Variants in ZFPM2 observed in about 807,000 individuals in gnomAD.
ZFPM2 encodes the protein zinc finger protein, FOG family member 2, also known as zinc finger protein ZFPM2.
In ZFPM2, 20 loss-of-function variants were observed where a neutral mutation model predicts 98.6. That is an observed-to-expected ratio of 0.20 (90% confidence interval 0.14 to 0.29). ZFPM2 has a LOEUF of 0.29. Ranked by LOEUF, ZFPM2 falls within the 10% of genes least tolerant of loss-of-function variation. ZFPM2 has a pLI of 1.00. For synonymous variants in ZFPM2, 518 were observed against 502.7 expected, an observed-to-expected ratio of 1.03 and a Z score of -0.41; for missense variants, 1,310 against 1,388.6, an observed-to-expected ratio of 0.94 and a Z score of 0.90.
chr8:105,618,894 A>T (rs2130812302), intron 4 of ZFPM2, among the ~76,000 whole-genome samples: 1 of 152,236 alleles, frequency 6.6e-6, no homozygotes, highest in Non-Finnish European at 1.5e-5. Context: ...GCTAAAACTG[A>T]TATATACATA....
intron 4 of ZFPM2, among the ~76,000 whole-genome samples, chr8:105,625,730 C>G (rs994343949): frequency 2.0e-5 from 3 of 151,986 alleles, no homozygotes; most frequent in Non-Finnish European, 4.4e-5. Flanking sequence ...CAGGTGCCCA[C>G]CACCAAACCT....
chr8:105,674,562 C>T (rs1817653751), intron 5 of ZFPM2, among the ~76,000 whole-genome samples: 1 of 152,058 alleles, frequency 6.6e-6, no homozygotes, highest in African/African-American at 2.4e-5. Flanking sequence ...TTGTTCCGTA[C>T]CTTGGCATCA....
intron 4 of ZFPM2, among the ~76,000 whole-genome samples, chr8:105,592,480 T>G (rs1014655558): frequency 1.3e-5 from 2 of 152,134 alleles, no homozygotes; most frequent in Non-Finnish European, 2.9e-5. Flanking sequence ...TATCTCCCAG[T>G]GCAATTGAAA....
chr8:105,755,037 G>C (rs955341545), intron 5 of ZFPM2, among the ~76,000 whole-genome samples: 2 of 152,040 alleles, frequency 1.3e-5, no homozygotes, highest in East Asian at 1.9e-4. Context: ...GTAGCAGCAT[G>C]AAGTGCAGGG....
At chr8:105,484,799 C>T (rs1447273277) in intron 3 of ZFPM2, among the ~76,000 whole-genome samples, 1 of 152,026 alleles carries the variant, frequency 6.6e-6, no homozygotes, top group African/African-American at 2.4e-5. Context: ...TCTTAGGGGG[C>T]CTTCATCTAT....
intron 2 of ZFPM2, among the ~76,000 whole-genome samples, chr8:105,439,416 A>T (rs2130183516): frequency 6.6e-6 from 1 of 152,250 alleles, no homozygotes; most frequent in South Asian, 2.1e-4. Flanking sequence ...CTCAAATTTA[A>T]TTTATAATCT....
At position 105,393,330 on chromosome 8, in the gene ZFPM2, C is replaced by CTGTCTGTCTT. The variant is rs1245789213; in HGVS notation, c.41-25813_41-25812insGTCTGTCTTT. ...CTTCCTTTCTTCCTTCCCTCTCTCTCTCTTTGCCTTTCTTTCTTTCTTTCT... is the reference window on the plus strand; with the variant it reads ...CTTCCTTTCTTCCTTCCCTCTCTCTCTGTCTGTCTTTCTTTGCCTTTCTTTCTTTCTTTCT... On this transcript the variant is annotated intron_variant, in intron 1 of 7. Transcript: ENST00000407775. Among the ~76,000 whole-genome samples, 40 of 132,902 alleles carry CTGTCTGTCTT rather than the reference C, an allele frequency of 3.0e-4. 1 individual carries two copies. Among genetic ancestry groups the CTGTCTGTCTT allele is most frequent in the Middle Eastern group, 3.7e-3 (1 of 268 alleles). The allele number at this position is 132,902 out of a possible 152,430, so 87.2% of individuals were successfully genotyped here. A position where few individuals can be genotyped will look rare whatever the true frequency, so the allele number is the denominator to read the frequency against.
chr8:105,551,457 C>G (rs1298382569), intron 3 of ZFPM2, among the ~76,000 whole-genome samples: 1 of 152,080 alleles, frequency 6.6e-6, no homozygotes, highest in Non-Finnish European at 1.5e-5. Context: ...ACACATGGTA[C>G]TTGTTATACT....
chr8:105,510,742 T>TA (rs1813801145), intron 3 of ZFPM2, among the ~76,000 whole-genome samples: 1 of 118,416 alleles, frequency 8.4e-6, no homozygotes, highest in African/African-American at 5.5e-5. Context: ...GACAATATAA[T>TA]AATAAGCTGT....
intron 5 of ZFPM2, among the ~76,000 whole-genome samples, chr8:105,694,203 G>T (rs369786342): frequency 6.6e-6 from 1 of 151,666 alleles, no homozygotes; most frequent in South Asian, 2.1e-4. Flanking sequence ...AGCCAGGATG[G>T]TCTCAATCTC....
intron 1 of ZFPM2, among the ~76,000 whole-genome samples, chr8:105,393,987 G>A (rs1369407885): frequency 2.0e-5 from 3 of 149,958 alleles, no homozygotes; most frequent in East Asian, 4.0e-4. Context: ...TCCGCTTCCT[G>A]GGTTCACGCC....
chr8:105,709,537 T>TA (rs35072377), intron 5 of ZFPM2, among the ~76,000 whole-genome samples: 1 of 151,994 alleles, frequency 6.6e-6, no homozygotes, highest in Non-Finnish European at 1.5e-5. Context: ...ACCAGATTTT[T>TA]AAAAAAATGT....
chr8:105,503,479 T>A (rs1391056509), intron 3 of ZFPM2, among the ~76,000 whole-genome samples: 3 of 152,044 alleles, frequency 2.0e-5, no homozygotes, highest in African/African-American at 7.2e-5. Flanking sequence ...GAAAATAGTC[T>A]ATGGAAAAAA....
chr8:105,775,728 G>GT (rs1813090644), intron 5 of ZFPM2, among the ~76,000 whole-genome samples: 1 of 152,138 alleles, frequency 6.6e-6, no homozygotes, highest in East Asian at 1.9e-4. Context: ...GAGCCAGACA[G>GT]TCAGATGGCT....
Position 105,571,796 on chromosome 8 carries a change from C to T in ZFPM2, c.420+10315C>T, listed in dbSNP as rs577987426. On this transcript the variant is annotated intron_variant, in intron 4 of 7. Transcript: ENST00000407775. ...AAATTACTTAGGGATAATGCTTTGT[C>T]AAACTCTGATAACATATTGGACTCT... Among the ~76,000 whole-genome samples the T allele has an allele frequency of 5.9e-5, 9 of 152,236 alleles. No individual in the cohort carries two copies. In the East Asian group the frequency reaches 1.7e-3, roughly 29 times the overall value.
At chr8:105,710,881 A>G (rs1811376943) in intron 5 of ZFPM2, among the ~76,000 whole-genome samples, 2 of 152,128 alleles carry the variant, frequency 1.3e-5, no homozygotes, top group Admixed American at 1.3e-4. Context: ...TAAGGTCATT[A>G]TGAACATTCA....
At chr8:105,418,471 A>C (rs1477414010) in intron 1 of ZFPM2, 1 of 485,202 alleles carries the variant, frequency 2.1e-6, no homozygotes, top group Admixed American at 2.3e-5. Context: ...ATTCTCTCCA[A>C]GGGAGTTGTA....
intron 3 of ZFPM2, among the ~76,000 whole-genome samples, chr8:105,492,262 A>G (rs757890845): frequency 2.0e-5 from 3 of 152,180 alleles, no homozygotes; most frequent in Non-Finnish European, 4.4e-5. Flanking sequence ...GTGCTTTTTA[A>G]GGATATAGAA....
chr8:105,497,205 T>G (rs1331050496), intron 3 of ZFPM2, among the ~76,000 whole-genome samples: 3 of 151,830 alleles, frequency 2.0e-5, no homozygotes, highest in Admixed American at 1.3e-4. Context: ...CAGGATGGTC[T>G]CCATTTCTTG....
Sources: allele counts gnomAD v4.1 joint callset (sites outside exome capture counted in the v4.1 genomes callset), GRCh38; gene constraint gnomAD v4.1.1; transcripts MANE v1.5; gene names NCBI Gene and HGNC (gene_info 2026-07-23, HGNC 2026-07-21).